FBXL17: variants seen among roughly 807,000 people sequenced by gnomAD.
FBXL17 encodes the protein F-box and leucine rich repeat protein 17, also known as F-box/LRR-repeat protein 17.
FBXL17 carries 22 observed loss-of-function variants against 66.2 expected under a neutral mutation model. The ratio of observed to expected loss-of-function variants is 0.33; its 90% confidence interval spans 0.24 to 0.47. The LOEUF is 0.47. Among genes scored for constraint, FBXL17 ranks in the 20% least tolerant of loss-of-function variants. The pLI is 1.00. For missense variants in FBXL17, 878 were observed against 948.2 expected, an observed-to-expected ratio of 0.93 and a Z score of 0.97; for synonymous variants, 474 against 400.5, an observed-to-expected ratio of 1.18 and a Z score of -2.19.
rs5870308 is a variant in FBXL17, at chr5:108,230,728, T to TAAA, written c.1507-6503_1507-6501dup. ...CCCCAGAAACCTATGGAAATAAATTTAAAAAAAAAAAAAAGCAAAATCTAA... is the reference window on the plus strand; with the variant it reads ...CCCCAGAAACCTATGGAAATAAATTTAAAAAAAAAAAAAAAAAGCAAAATCTAA... On this transcript the variant is annotated intron_variant, in intron 4 of 8. Transcript: ENST00000542267. 2.0e-3 allele frequency among the ~76,000 whole-genome samples: 249 copies of TAAA among 125,792 alleles called. 3 individuals are homozygous for TAAA. The highest frequency in any genetic ancestry group is 7.1e-3 in the African/African-American group (238 of 33,620). 82.5% of individuals were successfully genotyped at this position (125,792 alleles called of 152,430 possible).
intron 4 of FBXL17, among the ~76,000 whole-genome samples, chr5:108,325,363 T>A (rs1433114264): frequency 6.6e-6 from 1 of 152,114 alleles, no homozygotes; most frequent in African/African-American, 2.4e-5. Context: ...ATGCATGAAT[T>A]CTTATCTCAA....
At chr5:108,030,034 C>T (rs545277080) in intron 6 of FBXL17, among the ~76,000 whole-genome samples, 1 of 152,200 alleles carries the variant, frequency 6.6e-6, no homozygotes, top group Admixed American at 6.6e-5. Flanking sequence ...AATCAAAGGA[C>T]TATGTAGTAT....
chr5:107,941,538 T>C (rs1346366045), intron 7 of FBXL17, among the ~76,000 whole-genome samples: 3 of 152,184 alleles, frequency 2.0e-5, no homozygotes, highest in East Asian at 1.9e-4. Flanking sequence ...TGTATTTTTA[T>C]AGACACCTTA....
chr5:107,961,886 G>C (rs1166250112), intron 7 of FBXL17, among the ~76,000 whole-genome samples: 1 of 152,078 alleles, frequency 6.6e-6, no homozygotes. Flanking sequence ...TAGGAGACAG[G>C]CTCTTGGGGT....
chr5:108,320,145 CT>C (rs1420679344), intron 4 of FBXL17, among the ~76,000 whole-genome samples: 1 of 151,582 alleles, frequency 6.6e-6, no homozygotes, highest in Non-Finnish European at 1.5e-5. Flanking sequence ...TTTCTTTTAC[CT>C]TTAGCTTTGT....
chr5:108,342,660 T>G (rs1746963344), intron 4 of FBXL17, among the ~76,000 whole-genome samples: 1 of 152,120 alleles, frequency 6.6e-6, no homozygotes, highest in Non-Finnish European at 1.5e-5. Flanking sequence ...GGGTTAGAAT[T>G]TTGACTTTGA....
At chr5:108,077,143 C>T (rs1407375555) in intron 6 of FBXL17, among the ~76,000 whole-genome samples, 5 of 152,216 alleles carry the variant, frequency 3.3e-5, no homozygotes, top group African/African-American at 1.2e-4. Context: ...CTTGGCTTGA[C>T]TTCCTAGCCT....
intron 6 of FBXL17, among the ~76,000 whole-genome samples, chr5:108,039,206 G>GAA (rs1399976967): frequency 6.6e-5 from 10 of 151,810 alleles, no homozygotes; most frequent in Non-Finnish European, 2.9e-5. Flanking sequence ...AAATACTGCT[G>GAA]AAAATAGTGT....
At chr5:107,862,620 C>G (rs1215373672) in intron 8 of FBXL17, among the ~76,000 whole-genome samples, 1 of 152,152 alleles carries the variant, frequency 6.6e-6, no homozygotes, top group African/African-American at 2.4e-5. Flanking sequence ...AAATGATTAA[C>G]CTAAGAACCA....
intron 6 of FBXL17, among the ~76,000 whole-genome samples, chr5:108,134,988 T>C (rs1262898693): frequency 6.6e-6 from 1 of 152,156 alleles, no homozygotes; most frequent in African/African-American, 2.4e-5. Flanking sequence ...TATGTTTAAA[T>C]AAAAAGTATT....
At chr5:108,072,612 G>A (rs1272668342) in intron 6 of FBXL17, among the ~76,000 whole-genome samples, 1 of 152,206 alleles carries the variant, frequency 6.6e-6, no homozygotes, top group Non-Finnish European at 1.5e-5. Context: ...GGAGGTTGAG[G>A]CAGGAGAAGG....
At chr5:107,910,901 C>T (rs966658850) in intron 7 of FBXL17, among the ~76,000 whole-genome samples, 45 of 152,028 alleles carry the variant, frequency 3.0e-4, no homozygotes, top group Admixed American at 1.9e-3. Context: ...TAAGGAAGAC[C>T]TGAAATGGAG....
chr5:108,214,193 G>T (rs902169439), intron 5 of FBXL17, among the ~76,000 whole-genome samples: 25 of 152,056 alleles, frequency 1.6e-4, no homozygotes, highest in African/African-American at 6.0e-4. Flanking sequence ...GGTATGAATG[G>T]CTAAGAAAAA....
chr5:108,310,479 C>A (rs755672959), intron 4 of FBXL17, among the ~76,000 whole-genome samples: 13 of 152,086 alleles, frequency 8.5e-5, no homozygotes, highest in Middle Eastern at 3.2e-3. Flanking sequence ...ATCTGTATCT[C>A]AAAAAGTTTG....
At chr5:108,185,069 A>T (rs1407245719) in intron 6 of FBXL17, among the ~76,000 whole-genome samples, 1 of 152,150 alleles carries the variant, frequency 6.6e-6, no homozygotes, top group Admixed American at 6.5e-5. Context: ...TCCTTCCTGC[A>T]ATATTTCAAA....
chr5:107,974,940 T>A (rs1752521408), intron 7 of FBXL17, among the ~76,000 whole-genome samples: 1 of 152,164 alleles, frequency 6.6e-6, no homozygotes, highest in Admixed American at 6.5e-5. Context: ...AAACATACAA[T>A]TCTCCCCATT....
intron 7 of FBXL17, among the ~76,000 whole-genome samples, chr5:107,986,133 C>T (rs1229181005): frequency 6.6e-6 from 1 of 151,912 alleles, no homozygotes; most frequent in African/African-American, 2.4e-5. Context: ...CACAGCCAAC[C>T]ATAATAAATT....
intron 4 of FBXL17, among the ~76,000 whole-genome samples, chr5:108,344,343 A>T (rs1373605840): frequency 2.0e-5 from 3 of 152,206 alleles, no homozygotes; most frequent in African/African-American, 7.2e-5. Flanking sequence ...ACTGAAAAGT[A>T]AACAGTCACA....
chr5:107,969,464 A>G (rs964768231), intron 7 of FBXL17, among the ~76,000 whole-genome samples: 4 of 152,190 alleles, frequency 2.6e-5, no homozygotes, highest in Admixed American at 6.5e-5. Context: ...CCAAATAAAG[A>G]TATCTTTCTT....
Sources: gnomAD v4.1 joint callset for allele counts (sites outside exome capture counted in the v4.1 genomes callset) on GRCh38, gnomAD v4.1.1 for gene constraint, MANE v1.5 for transcripts, NCBI Gene and HGNC (gene_info 2026-07-23, HGNC 2026-07-21) for gene names.